MTPAP: variants seen among roughly 807,000 people sequenced by gnomAD.
MTPAP encodes mitochondrial poly(A) polymerase.
Under a neutral mutation model 48.7 loss-of-function variants are expected in MTPAP, and 23 were observed. The ratio of observed to expected loss-of-function variants is 0.47; its 90% CI spans 0.34 to 0.67. The LOEUF (loss-of-function observed/expected upper bound fraction) is 0.67, where lower values mean the gene tolerates loss of function less well. Ranked by LOEUF, MTPAP falls within the 30% of genes least tolerant of loss-of-function variation. The probability of loss-of-function intolerance (pLI) is 0.01; values close to 1 mark genes in which losing one functional copy is unlikely to be tolerated. For synonymous variants in MTPAP, 257 were observed against 254.1 expected (o/e 1.01, Z -0.11); for missense variants, 614 against 694.3 (o/e 0.88, Z 1.30).
chr10:30,319,774 G>A (rs1407451332), intron 6 of MTPAP, among the ~76,000 whole-genome samples: 2 of 152,172 alleles, frequency 1.3e-5, no homozygotes, highest in Non-Finnish European at 2.9e-5. Flanking sequence ...TTGGCAATTC[G>A]CACCTACAAT....
intron 5 of MTPAP, among the ~76,000 whole-genome samples, chr10:30,323,128 C>CAAAA (rs201987154): frequency 4.6e-4 from 40 of 86,468 alleles, no homozygotes; most frequent in African/African-American, 1.3e-3. Context: ...GACTCCGTTT[C>CAAAA]AAAAAAAAAA....
At chr10:30,329,692 T>G (rs1002497372) in intron 4 of MTPAP, among the ~76,000 whole-genome samples, 7 of 151,984 alleles carry the variant, frequency 4.6e-5, no homozygotes, top group African/African-American at 1.7e-4. Flanking sequence ...GAATATTAAC[T>G]AATATATAGT....
chr10:30,322,896 G>A (rs940528712), intron 5 of MTPAP, among the ~76,000 whole-genome samples: 1 of 151,846 alleles, frequency 6.6e-6, no homozygotes, highest in Non-Finnish European at 1.5e-5. Flanking sequence ...TAGCACTCTG[G>A]GAGGCCGAGG....
chr10:30,326,620 G>C lies in MTPAP; in HGVS notation c.796C>G (p.Leu266Val). ...LSAHKISGNF[L>V]MEFQVKNVPS... Reference sequence around the variant, plus strand: ...ACATTTTTCACTTGAAATTCCATCAGAAAATTTCCTGAGATCTGAAAAATA... The same window carrying C: ...ACATTTTTCACTTGAAATTCCATCACAAAATTTCCTGAGATCTGAAAAATA... The change falls in exon 5 of 9, where the codon CTG (leucine) becomes GTG (valine). Residue 266 changes from leucine (L) to valine (V), a missense_variant. This residue lies in a region of MTPAP where 261 missense variants were observed against 355.4 expected (regional missense o/e 0.73). Coordinates refer to ENST00000263063, the MANE Select transcript of MTPAP (RefSeq NM_018109.4). 2.5e-6 allele frequency: 4 copies of C among 1,613,454 alleles called. No homozygotes were observed. Among genetic ancestry groups the C allele is most frequent in the Non-Finnish European group, 3.4e-6 (4 of 1,179,444 alleles).
intron 1 of MTPAP, among the ~76,000 whole-genome samples, chr10:30,342,555 A>G (rs1834825097): frequency 1.3e-5 from 2 of 152,234 alleles, no homozygotes; most frequent in Middle Eastern, 3.4e-3. Context: ...AAAAAAAAAA[A>G]AAAAACCAGG....
At chr10:30,344,973 G>A (rs577372244) in intron 1 of MTPAP, among the ~76,000 whole-genome samples, 147 of 152,256 alleles carry the variant, frequency 9.7e-4, no homozygotes, top group African/African-American at 3.4e-3. Flanking sequence ...CAAAGTGCCG[G>A]GATTACAAGC....
In MTPAP at chr10:30,328,568, CTCT is replaced by C. The variant is rs1239223251; in HGVS notation, c.781-1936_781-1934del. 1.2e-4 allele frequency among the ~76,000 whole-genome samples: 18 copies of C among 152,314 alleles called. No homozygotes were observed. In the East Asian group the frequency reaches 2.7e-3, roughly 23 times the overall value. Reference sequence around the variant, plus strand: ...AATAAGGTTCCCTATCAACTATTCCCTCTTCTAGAATTCATTCCTCCTAAAAGG... The same window carrying C: ...AATAAGGTTCCCTATCAACTATTCCCTCTAGAATTCATTCCTCCTAAAAGG... On this transcript the variant is annotated intron_variant, in intron 4 of 8. Transcript: ENST00000263063.
At chr10:30,341,337 T>C in intron 2 of MTPAP, 131 bp downstream of exon 2, 1 of 1,158,342 alleles carries the variant, frequency 8.6e-7, no homozygotes, top group Middle Eastern at 2.9e-4. Flanking sequence ...GAAATCTAGA[T>C]AAAGAAGATG....
intron 3 of MTPAP, among the ~76,000 whole-genome samples, chr10:30,338,516 A>G (rs1834758018): frequency 6.6e-6 from 1 of 152,096 alleles, no homozygotes; most frequent in Admixed American, 6.5e-5. Flanking sequence ...TCTACTAAAA[A>G]TACAAAAAAT....
chr10:30,337,420 G>A (rs960804027), intron 3 of MTPAP, among the ~76,000 whole-genome samples: 3 of 151,490 alleles, frequency 2.0e-5, no homozygotes, highest in South Asian at 4.2e-4. Context: ...ACAAGACTCC[G>A]TCTCAAAAAA....
At chr10:30,341,341 G>A in intron 2 of MTPAP, 127 bp downstream of exon 2, 1 of 1,186,652 alleles carries the variant, frequency 8.4e-7, no homozygotes, top group South Asian at 1.6e-5. Flanking sequence ...TCTAGATAAA[G>A]AAGATGCAGT....
intron 4 of MTPAP, among the ~76,000 whole-genome samples, chr10:30,330,323 C>A (rs1277785256): frequency 6.6e-6 from 1 of 152,102 alleles, no homozygotes; most frequent in Non-Finnish European, 1.5e-5. Context: ...CAAACACACA[C>A]AATTTATGTT....
intron 2 of MTPAP, 48 bp from the exon 3 acceptor site, chr10:30,340,498 TAACA>T (rs1564523783): frequency 8.0e-7 from 1 of 1,255,244 alleles, no homozygotes; most frequent in African/African-American, 1.5e-5. Context: ...ACGATATATC[TAACA>T]TACTATTTTA....
intron 6 of MTPAP, among the ~76,000 whole-genome samples, chr10:30,320,186 C>A (rs558784463): frequency 3.3e-5 from 5 of 152,122 alleles, no homozygotes; most frequent in African/African-American, 1.2e-4. Flanking sequence ...ATCACTTAAG[C>A]CTGGGAGGCA....
At chr10:30,324,295 A>G (rs1017329337) in intron 5 of MTPAP, among the ~76,000 whole-genome samples, 42 of 152,220 alleles carry the variant, frequency 2.8e-4, no homozygotes. Flanking sequence ...GGATGACTTG[A>G]GCCCAGGAGT....
At chr10:30,338,270 G>A (rs183333118) in intron 3 of MTPAP, among the ~76,000 whole-genome samples, 1 of 149,030 alleles carries the variant, frequency 6.7e-6, no homozygotes, top group African/African-American at 2.5e-5. Flanking sequence ...AAAAAATAAC[G>A]TAACATAACA....
Position 30,313,899 on chromosome 10 carries a change from T to A in MTPAP, c.1459A>T (p.Ser487Cys), listed in dbSNP as rs1840631334. The change falls in exon 9 of 9, where the codon AGC becomes TGC. Residue 487 changes from serine to cysteine, a missense_variant. Transcript: ENST00000263063. ...QNPFETSLNI[S>C]KNVSQSQLQK... ...AGCTGGCTTTGACTTACATTTTTGC[T>A]TATGTTGAGAGAAGTTTCAAATGGA... 6.2e-7 allele frequency: 1 copy of A among 1,614,072 alleles called. No individual in the cohort carries two copies. Among genetic ancestry groups the A allele is most frequent in the Admixed American group, 1.7e-5 (1 of 60,004 alleles).
Position 30,338,546 on chromosome 10 carries a change from G to A in MTPAP, c.556-1519C>T, listed in dbSNP as rs186538500. ...AAAAATTAGCCAGGTGTGATGGCGC[G>A]TGCCTGTAATCCCTGCTACTTGGGA... On this transcript the variant is annotated intron_variant, in intron 3 of 8. Coordinates refer to ENST00000263063, the MANE Select transcript of MTPAP (RefSeq NM_018109.4). Among the ~76,000 whole-genome samples the A allele has an allele frequency of 2.4e-3, 367 of 152,020 alleles. 2 individuals are homozygous for A. The highest frequency in any genetic ancestry group is 8.4e-3 in the African/African-American group (349 of 41,460).
intron 4 of MTPAP, among the ~76,000 whole-genome samples, chr10:30,327,314 C>A (rs1834609357): frequency 6.9e-6 from 1 of 145,664 alleles, no homozygotes. Flanking sequence ...ATGGTGAAAC[C>A]CCATCTCTTT....
Sources: gnomAD v4.1 joint callset for allele counts (sites outside exome capture counted in the v4.1 genomes callset) on GRCh38, gnomAD v4.1.1 for gene constraint, gnomAD v4.1.1 regional missense constraint, MANE v1.5 for transcripts, NCBI Gene and HGNC (gene_info 2026-07-23, HGNC 2026-07-21) for gene names.